SYT11: variants seen among roughly 807,000 people sequenced by gnomAD.
SYT11 encodes synaptotagmin-11.
A neutral mutation model predicts 30.4 loss-of-function variants in SYT11; 12 were observed. That is an observed-to-expected ratio of 0.39 (90% CI 0.25 to 0.64). The LOEUF (loss-of-function observed/expected upper bound fraction) is 0.64, where lower values mean the gene tolerates loss of function less well. SYT11 is among the 30% of genes least tolerant of loss of function. The pLI is 0.45. For missense variants in SYT11, 412 were observed against 552.0 expected (o/e 0.75, Z 2.54); for synonymous variants, 204 against 216.0 (o/e 0.94, Z 0.49).
chr1:155,867,174 C>T (rs1672696063), intron 1 of SYT11, among the ~76,000 whole-genome samples: 1 of 151,964 alleles, frequency 6.6e-6, no homozygotes, highest in Non-Finnish European at 1.5e-5. Flanking sequence ...TCTCCTGCAT[C>T]AGCCTCCCAA....
intron 2 of SYT11, among the ~76,000 whole-genome samples, chr1:155,878,960 C>T (rs1672916558): frequency 6.6e-6 from 1 of 152,066 alleles, no homozygotes; most frequent in African/African-American, 2.4e-5. Context: ...GTGCCCAGAG[C>T]ACTTAGACAG....
chr1:155,864,344 A>T (rs1314050896), intron 1 of SYT11, among the ~76,000 whole-genome samples: 1 of 152,240 alleles, frequency 6.6e-6, no homozygotes, highest in Non-Finnish European at 1.5e-5. Flanking sequence ...TCACTGCTAT[A>T]CACAATATTA....
Position 155,859,802 on chromosome 1 carries a change from A to G in SYT11, c.34+7A>G. ...AATATCCGACCTAGCTTTGGTAAGT[A>G]GACTCGGGAAAACTAAGCTTGAGGT... On this transcript the variant is annotated splice_region_variant and intron_variant, in intron 1 of 3. Transcript: ENST00000368324. 2 of 1,614,010 alleles carry G rather than the reference A, an allele frequency of 1.2e-6. No individual in the cohort carries two copies. The highest frequency in any genetic ancestry group is 1.7e-6 in the Non-Finnish European group (2 of 1,179,842).
intron 1 of SYT11, among the ~76,000 whole-genome samples, chr1:155,864,555 G>A (rs1672638803): frequency 6.6e-6 from 1 of 152,120 alleles, no homozygotes. Context: ...GAAAACAGTA[G>A]GCATTATACT....
chr1:155,862,768 T>A (rs931752289), intron 1 of SYT11, among the ~76,000 whole-genome samples: 1 of 152,210 alleles, frequency 6.6e-6, no homozygotes, highest in African/African-American at 2.4e-5. Context: ...TCTTGGTAGT[T>A]TGCTGTGTTC....
At position 155,859,926 on chromosome 1, in the gene SYT11, T is replaced by C. The variant is rs982226806; in HGVS notation, c.34+131T>C. The C allele has an allele frequency of 2.3e-5, 21 of 896,402 alleles. No homozygotes were observed. In the East Asian group the frequency reaches 4.8e-4, roughly 21 times the overall value. 55.5% of individuals were successfully genotyped at this position (896,402 alleles called of 1,614,324 possible). A position where few individuals can be genotyped will look rare whatever the true frequency, so the allele number is the denominator to read the frequency against. On this transcript the variant is annotated intron_variant, in intron 1 of 3. Transcript: ENST00000368324. ...ATGCCAGCCCCACTAAAATCGGGCC[T>C]GTGGTGGTGGGTAGTGGGTAGTGGG...
chr1:155,860,117 G>A lies in SYT11; in HGVS notation c.34+322G>A, dbSNP rs1193941216. Among the ~76,000 whole-genome samples, 1 of 152,262 alleles carries A rather than the reference G, an allele frequency of 6.6e-6. No homozygotes were observed. The highest frequency in any genetic ancestry group is 1.5e-5 in the Non-Finnish European group (1 of 68,034). The stretch of plus-strand genomic sequence containing the variant: ...GCGGAGGATGTGAACCCCTCCTTCT[G>A]GGGGAGGAGAGGTGGGGTAGGCCAA... On this transcript the variant is annotated intron_variant, in intron 1 of 3. Coordinates refer to ENST00000368324, the MANE Select transcript of SYT11 (RefSeq NM_152280.5). This position sits in a 1 kb window ranked among gnomAD's most constrained non-coding sequence, Gnocchi z 4.1.
Position 155,868,460 on chromosome 1 carries a change from C to T in SYT11, c.530C>T (p.Thr177Ile). ...YNFPKKALVV[T>I]IQEAHGLPVM... is the part of the protein sequence containing the mutation. ...TTCCCGAAAAAAGCCCTGGTGGTGA[C>T]AATCCAGGAGGCCCATGGGCTGCCA... Residue 177 changes from threonine to isoleucine, a missense_variant, in exon 2 of 4, where the codon ACA becomes ATA. Coordinates refer to ENST00000368324, the MANE Select transcript of SYT11 (RefSeq NM_152280.5). This position sits in a 1 kb window ranked among gnomAD's most constrained non-coding sequence, Gnocchi z 4.7. The T allele has an allele frequency of 6.2e-7, 1 of 1,614,132 alleles. No homozygotes were observed. The highest frequency in any genetic ancestry group is 8.5e-7 in the Non-Finnish European group (1 of 1,179,996).
intron 3 of SYT11, 101 bp downstream of exon 3, chr1:155,880,724 C>A: frequency 7.4e-7 from 1 of 1,348,916 alleles, no homozygotes; most frequent in Non-Finnish European, 1.0e-6. Context: ...TTGCCTCTTT[C>A]ACTTTTAATC....
Position 155,859,750 on chromosome 1 carries a change from T to G in SYT11, c.-12T>G. ...TTGCAAAAACGTTATAGCAACAGCC[T>G]CTGATTACGACATGGCTGAGATCAC... On this transcript the variant is annotated 5_prime_UTR_variant, in exon 1 of 4. Coordinates refer to ENST00000368324, the MANE Select transcript of SYT11 (RefSeq NM_152280.5). 1 of 1,614,060 alleles carries G rather than the reference T, an allele frequency of 6.2e-7. No individual in the cohort carries two copies. Among genetic ancestry groups the G allele is most frequent in the Non-Finnish European group, 8.5e-7 (1 of 1,179,906 alleles).
At position 155,884,448 on chromosome 1, in the gene SYT11, C is replaced by T. The variant is rs1673034865; in HGVS notation, c.*2940C>T. ...AGGCAAAGAGGCGGACAGTGCAGGG[C>T]TCCTCCCTCCTACCTCAGGCCTGAT... is the stretch of plus-strand genomic sequence containing the variant. On this transcript the variant is annotated 3_prime_UTR_variant, in exon 4 of 4. Coordinates refer to ENST00000368324, the MANE Select transcript of SYT11 (RefSeq NM_152280.5). 1 of 152,834 alleles carries T rather than the reference C, an allele frequency of 6.5e-6. No homozygotes were observed. Among genetic ancestry groups the T allele is most frequent in the Non-Finnish European group, 1.5e-5 (1 of 68,078 alleles). The allele number at this position is 152,834 out of a possible 1,614,324, so 9.5% of individuals were successfully genotyped here.
At chr1:155,877,426 G>T (rs566682902) in intron 2 of SYT11, among the ~76,000 whole-genome samples, 2 of 151,842 alleles carry the variant, frequency 1.3e-5, no homozygotes, top group African/African-American at 4.8e-5. Flanking sequence ...TTTTGACAGG[G>T]TCTCACTCTG....
chr1:155,867,882 T>C (rs1672705687), intron 1 of SYT11, 83 bp from the exon 2 acceptor site: 3 of 1,064,198 alleles, frequency 2.8e-6, no homozygotes, highest in Middle Eastern at 6.3e-4. Context: ...TTAGCTTGGC[T>C]CCAGCAGTGG....
chr1:155,876,235 C>CTTTTTTTTTTTTTTTTTTTTTTTTTTTTT (rs67952920), intron 2 of SYT11, among the ~76,000 whole-genome samples: 2 of 96,120 alleles, frequency 2.1e-5, no homozygotes, highest in Non-Finnish European at 3.7e-5. Flanking sequence ...ACTCACCTCC[C>CTTTTTTTTTTTTTTTTTTTTTTTTTTTTT]TTTTTTTTTT....
intron 1 of SYT11, among the ~76,000 whole-genome samples, chr1:155,866,929 T>C (rs1186406503): frequency 6.6e-6 from 1 of 150,786 alleles, no homozygotes; most frequent in East Asian, 1.9e-4. Flanking sequence ...CACACACACA[T>C]ATATACATAT....
chr1:155,863,178 G>A (rs1391136511), intron 1 of SYT11, among the ~76,000 whole-genome samples: 1 of 151,994 alleles, frequency 6.6e-6, no homozygotes, highest in Non-Finnish European at 1.5e-5. Flanking sequence ...AAATGTACCC[G>A]GGTACAGTGG....
intron 1 of SYT11, among the ~76,000 whole-genome samples, chr1:155,864,562 T>C (rs1672638939): frequency 6.6e-6 from 1 of 152,208 alleles, no homozygotes; most frequent in South Asian, 2.1e-4. Flanking sequence ...GTAGGCATTA[T>C]ACTAATTATA....
chr1:155,862,131 C>G (rs1306830382), intron 1 of SYT11, among the ~76,000 whole-genome samples: 1 of 152,208 alleles, frequency 6.6e-6, no homozygotes, highest in East Asian at 1.9e-4. Context: ...TAGAGAACTA[C>G]CACTTCCAAC....
At chr1:155,869,263 C>CTTTTTTTTTTTTTTTTTT (rs767071892) in intron 2 of SYT11, among the ~76,000 whole-genome samples, 1 of 83,880 alleles carries the variant, frequency 1.2e-5, no homozygotes, top group Non-Finnish European at 2.0e-5. Flanking sequence ...ATGTACATGT[C>CTTTTTTTTTTTTTTTTTT]TTTTTTTTTT....
Sources: allele counts gnomAD v4.1 joint callset (sites outside exome capture counted in the v4.1 genomes callset), GRCh38; gene constraint gnomAD v4.1.1; non-coding constraint Gnocchi (gnomAD v3.1); transcripts MANE v1.5; gene names NCBI Gene and HGNC (gene_info 2026-07-23, HGNC 2026-07-21).